The following TBL1X variants were observed in gnomAD, a reference collection of about 807,000 sequenced individuals.
The protein encoded by TBL1X is transducin beta like 1 X-linked, also known as F-box-like/WD repeat-containing protein TBL1X.
TBL1X carries 10 observed loss-of-function variants against 50.7 expected under a neutral mutation model. The observed-to-expected ratio is 0.20, with a 90% CI of 0.12 to 0.33. The LOEUF is 0.33. TBL1X is among the 10% of genes least tolerant of loss of function. TBL1X has a pLI of 1.00. For synonymous variants in TBL1X, 190 were observed against 214.7 expected (o/e 0.88, Z 1.01); for missense variants, 340 against 504.4 (o/e 0.67, Z 3.12).
At chrX:9,534,706 C>T (rs922075403) in intron 2 of TBL1X, among the ~76,000 whole-genome samples, 1 of 111,334 alleles carries the variant, frequency 9.0e-6, no homozygotes, top group Non-Finnish European at 1.9e-5. Context: ...TGGTACCTCC[C>T]TTAATAGGAT....
intron 1 of TBL1X, among the ~76,000 whole-genome samples, chrX:9,489,903 C>T (rs1413837987): frequency 9.0e-6 from 1 of 111,563 alleles, no homozygotes; most frequent in Non-Finnish European, 1.9e-5. Context: ...TGGATACATC[C>T]AGTCATACCC....
At chrX:9,482,018 G>A (rs2081885357) in intron 1 of TBL1X, among the ~76,000 whole-genome samples, 1 of 112,086 alleles carries the variant, frequency 8.9e-6, no homozygotes, top group African/African-American at 3.2e-5. Context: ...GAGAAATTAT[G>A]TTTCAGAAAA....
At chrX:9,688,315 G>T (rs1365642972) in intron 7 of TBL1X, 40 bp downstream of exon 7, 1 of 1,073,126 alleles carries the variant, frequency 9.3e-7, no homozygotes, top group Non-Finnish European at 1.2e-6. Flanking sequence ...GGCCTCTCTG[G>T]GTTCATTGTT....
intron 1 of TBL1X, among the ~76,000 whole-genome samples, chrX:9,468,881 A>G (rs1401219467): frequency 9.0e-6 from 1 of 111,228 alleles, no homozygotes; most frequent in Non-Finnish European, 1.9e-5. Flanking sequence ...TGCAATTATT[A>G]TAGCTAGCTG....
chrX:9,684,675 G>A (rs1012171808), intron 6 of TBL1X, among the ~76,000 whole-genome samples: 23 of 108,681 alleles, frequency 2.1e-4, no homozygotes, highest in African/African-American at 7.7e-4. Context: ...CGGTTGTGTG[G>A]ACACACAGCA....
intron 1 of TBL1X, among the ~76,000 whole-genome samples, chrX:9,497,161 C>T (rs1352788143): frequency 9.0e-6 from 1 of 111,340 alleles, no homozygotes; most frequent in Non-Finnish European, 1.9e-5. Context: ...GTAATCCTAA[C>T]ACTTTGGAAA....
At chrX:9,690,797 T>C (rs2083091806) in intron 7 of TBL1X, among the ~76,000 whole-genome samples, 1 of 111,666 alleles carries the variant, frequency 9.0e-6, no homozygotes, top group South Asian at 3.8e-4. Context: ...GGCACAATCA[T>C]AGCTCACTAC....
At chrX:9,653,058 G>A (rs896869613) in intron 3 of TBL1X, among the ~76,000 whole-genome samples, 3 of 111,770 alleles carry the variant, frequency 2.7e-5, no homozygotes, top group Admixed American at 9.4e-5. Context: ...CCAGCTACTC[G>A]GGAGGCTGAG....
rs552064276 is a variant in TBL1X at position 9,712,545 on chromosome X, C to G, written c.1605+769C>G. ...TAGAGACAGGGTTTCACATGTTGGC[C>G]AGGATGGTCTTGAACTCCTGACCTC... is the stretch of plus-strand genomic sequence containing the variant. On this transcript the variant is annotated intron_variant, in intron 16 of 17. Transcript: ENST00000645353. Among the ~76,000 whole-genome samples, 4 of 111,933 alleles carry G rather than the reference C, an allele frequency of 3.6e-5. No homozygotes were observed. In the South Asian group the frequency reaches 1.1e-3, roughly 31 times the overall value.
chrX:9,547,030 G>T (rs1239927465), intron 2 of TBL1X, among the ~76,000 whole-genome samples: 1 of 107,833 alleles, frequency 9.3e-6, no homozygotes, highest in African/African-American at 3.4e-5. Flanking sequence ...GTGTTAGCCA[G>T]GATGGTCTCG....
At chrX:9,662,229 T>C (rs972323050) in intron 5 of TBL1X, among the ~76,000 whole-genome samples, 1 of 111,343 alleles carries the variant, frequency 9.0e-6, no homozygotes, top group African/African-American at 3.3e-5. Context: ...CAGAAAGACA[T>C]GCCCCCTCCT....
intron 2 of TBL1X, among the ~76,000 whole-genome samples, chrX:9,529,977 C>T (rs2082152156): frequency 9.0e-6 from 1 of 110,729 alleles, no homozygotes; most frequent in Non-Finnish European, 1.9e-5. Flanking sequence ...AAGAAACCTC[C>T]ATGGCAGATG....
Position 9,693,225 on chromosome X carries a change from TC to T in TBL1X, c.955+16del, listed in dbSNP as rs2083110163. 8.3e-7 allele frequency: 1 copy of T among 1,211,407 alleles called. No homozygotes were observed. Among genetic ancestry groups the T allele is most frequent in the African/African-American group, 1.7e-5 (1 of 57,713 alleles). On this transcript the variant is annotated intron_variant, in intron 10 of 17. Coordinates refer to ENST00000645353, the MANE Select transcript of TBL1X (RefSeq NM_005647.4). ...TGGACGGAAGATGGTGAGTTCTGTG[TC>T]CCTCGTGCTGGGGTCGGGTAAGAGG...
intron 2 of TBL1X, among the ~76,000 whole-genome samples, chrX:9,610,329 T>C (rs1234760455): frequency 8.9e-6 from 1 of 112,784 alleles, no homozygotes; most frequent in Non-Finnish European, 1.9e-5. Context: ...CAGATTCTTA[T>C]GTTAGCCAAT....
At chrX:9,481,710 A>G (rs2081883702) in intron 1 of TBL1X, among the ~76,000 whole-genome samples, 1 of 112,139 alleles carries the variant, frequency 8.9e-6, no homozygotes, top group Non-Finnish European at 1.9e-5. Flanking sequence ...ACTTTCTGAC[A>G]GGTCCAGGAG....
chrX:9,541,393 C>T (rs2082214032), intron 2 of TBL1X, among the ~76,000 whole-genome samples: 1 of 111,140 alleles, frequency 9.0e-6, no homozygotes, highest in South Asian at 3.7e-4. Flanking sequence ...CAACAAACTG[C>T]AAAAATCGGT....
intron 2 of TBL1X, among the ~76,000 whole-genome samples, chrX:9,568,944 G>A (rs1233134058): frequency 2.8e-5 from 3 of 108,081 alleles, no homozygotes. Flanking sequence ...TCTCTGCACG[G>A]TGCACTGTGT....
chrX:9,633,631 G>A (rs2082731752), intron 2 of TBL1X, among the ~76,000 whole-genome samples: 1 of 111,906 alleles, frequency 8.9e-6, no homozygotes, highest in Non-Finnish European at 1.9e-5. Flanking sequence ...TGGCACACTT[G>A]CATTCATTTT....
At chrX:9,617,858 T>A (rs1366459290) in intron 2 of TBL1X, among the ~76,000 whole-genome samples, 3 of 111,927 alleles carry the variant, frequency 2.7e-5, no homozygotes, top group Non-Finnish European at 5.6e-5. Flanking sequence ...AGTCACATTC[T>A]CATGGCAATA....
Sources: gnomAD v4.1 joint callset for allele counts (sites outside exome capture counted in the v4.1 genomes callset) on GRCh38, gnomAD v4.1.1 for gene constraint, MANE v1.5 for transcripts, NCBI Gene and HGNC (gene_info 2026-07-23, HGNC 2026-07-21) for gene names.